The following PIP5K1B variants were observed in gnomAD, a reference collection of about 807,000 sequenced individuals.
The protein encoded by PIP5K1B is phosphatidylinositol-4-phosphate 5-kinase type 1 beta.
In PIP5K1B, 42 loss-of-function variants were observed where a neutral mutation model predicts 67.0. The ratio of observed to expected loss-of-function variants is 0.63; its 90% CI spans 0.49 to 0.81. The LOEUF (loss-of-function observed/expected upper bound fraction) is 0.81, where lower values mean the gene tolerates loss of function less well. Among genes scored for constraint, PIP5K1B ranks in the 30% least tolerant of loss-of-function variants. The pLI, the probability that PIP5K1B is intolerant of heterozygous loss-of-function variation, is 0.00. For missense variants in PIP5K1B, 459 were observed against 646.3 expected, an observed-to-expected ratio of 0.71 and a Z score of 3.14; for synonymous variants, 214 against 231.4, an observed-to-expected ratio of 0.92 and a Z score of 0.68.
At chr9:68,893,182 A>C (rs2132402689) in intron 7 of PIP5K1B, among the ~76,000 whole-genome samples, 1 of 152,330 alleles carries the variant, frequency 6.6e-6, no homozygotes, top group East Asian at 1.9e-4. Context: ...ATAAAGTGAG[A>C]GCAGTGGTTT....
At chr9:68,864,291 G>T (rs62566868) in intron 5 of PIP5K1B, among the ~76,000 whole-genome samples, 2 of 151,928 alleles carry the variant, frequency 1.3e-5, no homozygotes, top group Admixed American at 1.3e-4. Flanking sequence ...GTCCGCCAAG[G>T]GTTTATAGAA....
chr9:68,771,252 T>C (rs1830658294), intron 2 of PIP5K1B, among the ~76,000 whole-genome samples: 1 of 152,236 alleles, frequency 6.6e-6, no homozygotes, highest in South Asian at 2.1e-4. Flanking sequence ...TTTTCACAAC[T>C]GCTTTGGGAC....
At position 68,925,795 on chromosome 9, in the gene PIP5K1B, A is replaced by ATTTTTTTTTTTTTT. The variant is rs71353094; in HGVS notation, c.1201+2416_1201+2429dup. On this transcript the variant is annotated intron_variant, in intron 12 of 15. Transcript: ENST00000265382. ...ACATGAATACCAGCTTGTGGTTCCAATTTTTTTTTTTTTTTTTTTTGAGAC... is the reference window on the plus strand; with the variant it reads ...ACATGAATACCAGCTTGTGGTTCCAATTTTTTTTTTTTTTTTTTTTTTTTTTTTTTTTTTGAGAC... Among the ~76,000 whole-genome samples the ATTTTTTTTTTTTTT allele has an allele frequency of 4.0e-3, 290 of 73,240 alleles. 54 individuals are homozygous for ATTTTTTTTTTTTTT. Among genetic ancestry groups the ATTTTTTTTTTTTTT allele is most frequent in the African/African-American group, 0.012 (219 of 17,524 alleles). The allele number at this position is 73,240 out of a possible 152,430, so 48.0% of individuals were successfully genotyped here. A position where few individuals can be genotyped will look rare whatever the true frequency, so the allele number is the denominator to read the frequency against.
intron 1 of PIP5K1B, among the ~76,000 whole-genome samples, chr9:68,715,449 C>T (rs1827588266): frequency 6.6e-6 from 1 of 152,204 alleles, no homozygotes. Context: ...CTGTGCAGCA[C>T]TCTCGTTGCC....
intron 4 of PIP5K1B, among the ~76,000 whole-genome samples, chr9:68,862,052 A>G (rs1823113686): frequency 6.6e-6 from 1 of 152,212 alleles, no homozygotes; most frequent in African/African-American, 2.4e-5. Context: ...AAGGATGTAG[A>G]TAGTCGTCCT....
intron 2 of PIP5K1B, among the ~76,000 whole-genome samples, chr9:68,777,308 A>G (rs1830964985): frequency 1.3e-5 from 2 of 152,222 alleles, no homozygotes; most frequent in Admixed American, 6.5e-5. Context: ...CTAGATATTA[A>G]GCATATAACA....
At chr9:68,975,206 C>T (rs1344574998) in intron 14 of PIP5K1B, among the ~76,000 whole-genome samples, 1 of 152,092 alleles carries the variant, frequency 6.6e-6, no homozygotes, top group Admixed American at 6.6e-5. Flanking sequence ...GTGGCTGGGA[C>T]TATAGGTGTG....
At chr9:69,003,481 G>GAAAAA (rs1830919784) in intron 15 of PIP5K1B, among the ~76,000 whole-genome samples, 1 of 45,622 alleles carries the variant, frequency 2.2e-5, no homozygotes, top group African/African-American at 7.4e-5. Context: ...AAAAAAAAGG[G>GAAAAA]GGGGGGATAT....
At chr9:68,753,950 A>G (rs1829777529) in intron 2 of PIP5K1B, among the ~76,000 whole-genome samples, 2 of 152,056 alleles carry the variant, frequency 1.3e-5, no homozygotes, top group Admixed American at 6.5e-5. Context: ...GTGAGCTACC[A>G]TGCCCGGCCC....
chr9:68,725,086 A>G (rs563991666), intron 1 of PIP5K1B, among the ~76,000 whole-genome samples: 1 of 152,358 alleles, frequency 6.6e-6, no homozygotes, highest in Admixed American at 6.5e-5. Context: ...TTTAAACTCT[A>G]TAGAAGAAGA....
At chr9:68,911,172 G>A (rs1825827309) in intron 8 of PIP5K1B, among the ~76,000 whole-genome samples, 2 of 151,792 alleles carry the variant, frequency 1.3e-5, no homozygotes, top group Non-Finnish European at 2.9e-5. Context: ...TCAGGAGTTC[G>A]AGACCAGCCT....
chr9:68,780,300 G>C, intron 2 of PIP5K1B: 1 of 1,598,120 alleles, frequency 6.3e-7, no homozygotes, highest in Non-Finnish European at 8.5e-7. Context: ...CGGCCTCAGT[G>C]ACACTTCGCC....
At chr9:68,878,015 G>C (rs60952961) in intron 6 of PIP5K1B, among the ~76,000 whole-genome samples, 2 of 101,488 alleles carry the variant, frequency 2.0e-5, no homozygotes, top group Non-Finnish European at 3.8e-5. Context: ...CATTTGTTCT[G>C]TGTGTGTGTG....
chr9:68,820,784 T>C (rs1410344168), intron 3 of PIP5K1B, among the ~76,000 whole-genome samples: 1 of 152,222 alleles, frequency 6.6e-6, no homozygotes, highest in East Asian at 1.9e-4. Context: ...GTAGCATAAC[T>C]GGCTTTAAAA....
At chr9:68,788,692 G>A (rs1831775540) in intron 2 of PIP5K1B, 3 of 248,132 alleles carry the variant, frequency 1.2e-5, no homozygotes, top group African/African-American at 2.3e-5. Context: ...ATCCTTTGTC[G>A]TGGAGTCAGG....
chr9:68,917,017 G>A (rs535228077), intron 8 of PIP5K1B, among the ~76,000 whole-genome samples: 2 of 152,150 alleles, frequency 1.3e-5, no homozygotes, highest in African/African-American at 2.4e-5. Context: ...AGATACAAGC[G>A]TACAAACTTA....
chr9:68,741,092 C>T (rs996052399), intron 1 of PIP5K1B, among the ~76,000 whole-genome samples: 2 of 152,204 alleles, frequency 1.3e-5, no homozygotes, highest in African/African-American at 4.8e-5. Flanking sequence ...TATATCTACT[C>T]TTTCATTCTC....
At chr9:68,840,593 G>A (rs1193550725) in intron 4 of PIP5K1B, among the ~76,000 whole-genome samples, 3 of 152,076 alleles carry the variant, frequency 2.0e-5, no homozygotes, top group African/African-American at 7.2e-5. Flanking sequence ...TTTTCCACAG[G>A]GGCCACTTAC....
chr9:68,839,368 G>A (rs1821792243), intron 4 of PIP5K1B, among the ~76,000 whole-genome samples: 2 of 152,156 alleles, frequency 1.3e-5, no homozygotes, highest in Non-Finnish European at 2.9e-5. Context: ...ATGAAGGCCA[G>A]GCAGGATGCC....
Sources: gnomAD v4.1 joint callset for allele counts (sites outside exome capture counted in the v4.1 genomes callset) on GRCh38, gnomAD v4.1.1 for gene constraint, MANE v1.5 for transcripts, NCBI Gene and HGNC (gene_info 2026-07-23, HGNC 2026-07-21) for gene names.